The following MSRA variants were observed in gnomAD, a reference collection of about 807,000 sequenced individuals.
The protein encoded by MSRA is mitochondrial peptide methionine sulfoxide reductase.
A neutral mutation model predicts 31.3 loss-of-function variants in MSRA; 54 were observed. The observed-to-expected ratio is 1.73, with a 90% confidence interval of 1.39 to 2.17. The LOEUF (loss-of-function observed/expected upper bound fraction) is 2.17. Among genes scored for constraint, MSRA ranks in the 30% most tolerant of loss-of-function variants. The probability of loss-of-function intolerance (pLI) is 0.00; values close to 1 mark genes in which losing one functional copy is unlikely to be tolerated. For synonymous variants in MSRA, 169 were observed against 116.5 expected (o/e 1.45, Z -2.90); for missense variants, 507 against 300.9 (o/e 1.69, Z -5.07).
At chr8:10,146,940 A>G (rs978611739) in intron 1 of MSRA, among the ~76,000 whole-genome samples, 4 of 152,148 alleles carry the variant, frequency 2.6e-5, no homozygotes, top group African/African-American at 9.7e-5. Context: ...CATTCACACT[A>G]TTGTTTAAAA....
intron 1 of MSRA, among the ~76,000 whole-genome samples, chr8:10,181,677 A>G (rs758144263): frequency 7.9e-5 from 12 of 152,182 alleles, no homozygotes; most frequent in Non-Finnish European, 1.5e-4. Flanking sequence ...GTCAGGAGGC[A>G]ATTCACTAGC....
At chr8:10,057,776 C>T (rs1161288593) in intron 1 of MSRA, among the ~76,000 whole-genome samples, 6 of 152,206 alleles carry the variant, frequency 3.9e-5, no homozygotes, top group African/African-American at 1.4e-4. Context: ...TCCTCTTCTG[C>T]CATGATTGTA....
intron 3 of MSRA, among the ~76,000 whole-genome samples, chr8:10,271,268 A>T (rs543027152): frequency 6.6e-6 from 1 of 152,270 alleles, no homozygotes; most frequent in Admixed American, 6.5e-5. Flanking sequence ...GCTTTCTGTG[A>T]TACCTACCAT....
intron 5 of MSRA, among the ~76,000 whole-genome samples, chr8:10,400,125 T>A (rs1488753172): frequency 4.0e-5 from 6 of 151,854 alleles, no homozygotes; most frequent in Non-Finnish European, 8.8e-5. Context: ...AAATGGAGAA[T>A]CTTTGAAAAG....
chr8:10,093,278 T>C (rs572966946), intron 1 of MSRA, among the ~76,000 whole-genome samples: 1 of 152,152 alleles, frequency 6.6e-6, no homozygotes, highest in Admixed American at 6.5e-5. Context: ...ACTACCTTAT[T>C]TTATGTTAAA....
chr8:10,292,194 T>A (rs1800272918), intron 3 of MSRA, among the ~76,000 whole-genome samples: 1 of 152,190 alleles, frequency 6.6e-6, no homozygotes, highest in Non-Finnish European at 1.5e-5. Context: ...GCATGTGGGA[T>A]TCCATCTAGG....
At position 10,251,983 on chromosome 8, in the gene MSRA, G is replaced by T. The variant is rs1585278735; in HGVS notation, c.331+6760G>T. Among the ~76,000 whole-genome samples, 8 of 152,300 alleles carry T rather than the reference G, an allele frequency of 5.3e-5. 2 individuals are homozygous for T. On this transcript the variant is annotated intron_variant, in intron 3 of 5. Transcript: ENST00000317173. The stretch of plus-strand genomic sequence containing the variant: ...CCATGGAACCCTCAGGCTTTCAGAA[G>T]GGTTCTGCAGGAGCTCCAGAGGTAA...
intron 3 of MSRA, among the ~76,000 whole-genome samples, chr8:10,264,821 G>T (rs568393299): frequency 3.3e-5 from 5 of 152,320 alleles, no homozygotes; most frequent in African/African-American, 1.2e-4. Flanking sequence ...GCACTGGAAA[G>T]TCAGTTAAAC....
intron 5 of MSRA, among the ~76,000 whole-genome samples, chr8:10,395,908 C>G (rs1034089258): frequency 6.6e-6 from 1 of 152,146 alleles, no homozygotes; most frequent in African/African-American, 2.4e-5. Flanking sequence ...TCAGAAATGG[C>G]AATTCACAAA....
chr8:10,208,942 T>A (rs17151337), intron 2 of MSRA, among the ~76,000 whole-genome samples: 4,035 of 152,274 alleles, frequency 0.026, 184 homozygotes, highest in African/African-American at 0.092. Flanking sequence ...CACACTGAAG[T>A]TAGATTGTTC....
At chr8:10,314,832 A>G (rs933747159) in intron 4 of MSRA, among the ~76,000 whole-genome samples, 13 of 152,252 alleles carry the variant, frequency 8.5e-5, no homozygotes, top group African/African-American at 2.4e-4. Context: ...TCATGATCAT[A>G]ATTGTAAGTG....
chr8:10,226,805 G>T (rs1390977105), intron 2 of MSRA, among the ~76,000 whole-genome samples: 1 of 152,156 alleles, frequency 6.6e-6, no homozygotes, highest in South Asian at 2.1e-4. Flanking sequence ...GGTCCTGTTA[G>T]AGCTCTACAG....
intron 5 of MSRA, among the ~76,000 whole-genome samples, chr8:10,397,171 A>C (rs1205962934): frequency 6.6e-6 from 1 of 152,146 alleles, no homozygotes; most frequent in Non-Finnish European, 1.5e-5. Context: ...CTTCTGCTAG[A>C]ATGTATATTT....
intron 2 of MSRA, among the ~76,000 whole-genome samples, chr8:10,214,163 G>A (rs933879250): frequency 1.2e-4 from 18 of 152,158 alleles, no homozygotes; most frequent in African/African-American, 4.1e-4. Context: ...GTTTTTTGTC[G>A]CACGGCACAT....
At chr8:10,321,526 C>T (rs146510944) in intron 5 of MSRA, among the ~76,000 whole-genome samples, 2 of 152,244 alleles carry the variant, frequency 1.3e-5, no homozygotes, top group Non-Finnish European at 2.9e-5. Flanking sequence ...TGGTAGGCAG[C>T]CTGTGGGATG....
intron 5 of MSRA, among the ~76,000 whole-genome samples, chr8:10,336,478 C>T (rs1008191220): frequency 4.7e-5 from 7 of 149,196 alleles, no homozygotes; most frequent in Non-Finnish European, 7.4e-5. Context: ...GGCTTCTTTA[C>T]AAAGTCGTCA....
intron 1 of MSRA, among the ~76,000 whole-genome samples, chr8:10,107,642 C>G (rs1456280147): frequency 1.3e-5 from 2 of 152,138 alleles, no homozygotes; most frequent in Non-Finnish European, 2.9e-5. Flanking sequence ...CCACAAAAAC[C>G]CAACATGCTG....
intron 2 of MSRA, among the ~76,000 whole-genome samples, chr8:10,234,877 G>A (rs1485055142): frequency 9.9e-5 from 15 of 151,958 alleles, no homozygotes; most frequent in Admixed American, 9.8e-4. Context: ...GTAGCAAGAG[G>A]ATAATAAGAC....
At chr8:10,278,784 T>C (rs534393581) in intron 3 of MSRA, among the ~76,000 whole-genome samples, 1 of 152,334 alleles carries the variant, frequency 6.6e-6, no homozygotes, top group African/African-American at 2.4e-5. Flanking sequence ...TTACTGAACT[T>C]CAGAAGTTTT....
Sources: allele counts gnomAD v4.1 joint callset (sites outside exome capture counted in the v4.1 genomes callset), GRCh38; gene constraint gnomAD v4.1.1; transcripts MANE v1.5; gene names NCBI Gene and HGNC (gene_info 2026-07-23, HGNC 2026-07-21).